MAST2: variants seen among roughly 807,000 people sequenced by gnomAD.
MAST2 encodes microtubule-associated serine/threonine-protein kinase 2.
MAST2 carries 70 observed loss-of-function variants against 147.4 expected under a neutral mutation model. The ratio of observed to expected loss-of-function variants is 0.47; its 90% CI spans 0.39 to 0.58. The LOEUF is 0.58. Among genes scored for constraint, MAST2 ranks in the 20% least tolerant of loss-of-function variants. MAST2 has a pLI of 0.00. For synonymous variants in MAST2, 869 were observed against 896.8 expected (o/e 0.97, Z 0.55); for missense variants, 2,080 against 2,302.3 (o/e 0.90, Z 1.98).
At chr1:45,804,157 C>A in intron 1 of MAST2, 85 bp downstream of exon 1, 1 of 1,240,818 alleles carries the variant, frequency 8.1e-7, no homozygotes, top group South Asian at 3.2e-5. Context: ...CGGGCTGGAG[C>A]TTTGGAGGGG....
chr1:45,832,540 G>A (rs770748685), intron 3 of MAST2, among the ~76,000 whole-genome samples: 3 of 151,932 alleles, frequency 2.0e-5, no homozygotes, highest in Non-Finnish European at 4.4e-5. Flanking sequence ...GTGATCCACC[G>A]GCCTTGGCCT....
At chr1:46,022,579 T>TCCAGTGAAG (rs11283041) in intron 12 of MAST2, among the ~76,000 whole-genome samples, 30,730 of 151,916 alleles carry the variant, frequency 0.2, 3,549 homozygotes, top group Non-Finnish European at 0.26. Context: ...CCCAGCCCCA[T>TCCAGTGAAG]CCAGTGAAGC....
At chr1:45,845,266 A>C (rs984472100) in intron 3 of MAST2, among the ~76,000 whole-genome samples, 1 of 152,222 alleles carries the variant, frequency 6.6e-6, no homozygotes, top group African/African-American at 2.4e-5. Context: ...GTAAAAAGTT[A>C]TAAGAGCAGG....
At chr1:46,007,746 A>G (rs1645545754) in intron 8 of MAST2, among the ~76,000 whole-genome samples, 2 of 152,222 alleles carry the variant, frequency 1.3e-5, no homozygotes, top group Admixed American at 6.5e-5. Flanking sequence ...AAGACAATAA[A>G]TTAAGGCAGA....
chr1:45,895,256 T>C (rs188707510), intron 4 of MAST2, among the ~76,000 whole-genome samples: 4 of 152,362 alleles, frequency 2.6e-5, no homozygotes, highest in African/African-American at 9.6e-5. Context: ...GGGTTGTTTC[T>C]AGTTTTTGGA....
In MAST2 at chr1:45,845,861, C is replaced by T. The variant is rs529873030; in HGVS notation, c.468+16280C>T. ...CTGCAAGCTCTGCCTCCTGGGTTCA[C>T]GCCATTTTCCCACCTCAGCCTCCTG... On this transcript the variant is annotated intron_variant, in intron 3 of 28. Coordinates refer to ENST00000361297, the MANE Select transcript of MAST2 (RefSeq NM_015112.3). 9.2e-5 allele frequency among the ~76,000 whole-genome samples: 14 copies of T among 152,278 alleles called. No homozygotes were observed. In the South Asian group the frequency reaches 2.5e-3, roughly 27 times the overall value.
At chr1:45,939,179 C>T (rs1337518164) in intron 4 of MAST2, among the ~76,000 whole-genome samples, 1 of 151,280 alleles carries the variant, frequency 6.6e-6, no homozygotes, top group Non-Finnish European at 1.5e-5. Context: ...GGTTTATGAT[C>T]CATTTGAGTT....
At chr1:45,996,487 A>T (rs1001073556) in intron 5 of MAST2, among the ~76,000 whole-genome samples, 35 of 152,064 alleles carry the variant, frequency 2.3e-4, no homozygotes, top group African/African-American at 7.0e-4. Context: ...TAGCCAGAAG[A>T]TGGGGAGAGG....
At chr1:46,029,394 C>A in intron 18 of MAST2, 72 bp from the exon 19 acceptor site, 2 of 1,320,224 alleles carry the variant, frequency 1.5e-6, no homozygotes, top group East Asian at 2.3e-5. Flanking sequence ...TTTCACTGTT[C>A]TGGGACCCTC....
intron 4 of MAST2, among the ~76,000 whole-genome samples, chr1:45,925,209 A>C (rs1654173699): frequency 6.6e-6 from 1 of 152,234 alleles, no homozygotes; most frequent in Non-Finnish European, 1.5e-5. Context: ...TTTGAAGGAC[A>C]ATGAAGATAC....
At chr1:46,020,515 T>TA (rs1646140831) in intron 11 of MAST2, among the ~76,000 whole-genome samples, 1 of 152,218 alleles carries the variant, frequency 6.6e-6, no homozygotes, top group Admixed American at 6.5e-5. Context: ...TGGCCGCATT[T>TA]ACTTTTTTCT....
At chr1:45,933,883 C>T (rs1343857276) in intron 4 of MAST2, among the ~76,000 whole-genome samples, 1 of 150,386 alleles carries the variant, frequency 6.6e-6, no homozygotes, top group Non-Finnish European at 1.5e-5. Flanking sequence ...TTGTATCCTT[C>T]TACTTTAATG....
chr1:45,917,687 A>G (rs2148620349), intron 4 of MAST2, among the ~76,000 whole-genome samples: 1 of 152,314 alleles, frequency 6.6e-6, no homozygotes, highest in Non-Finnish European at 1.5e-5. Flanking sequence ...TTTCTGTTGT[A>G]TTCAAAATGT....
In MAST2 at chr1:46,035,593, A is replaced by G. The variant is rs777846966; in HGVS notation, c.4924A>G (p.Ser1642Gly). ...PSTSGLTPTS[S>G]CSPPSSTSGK... The stretch of plus-strand genomic sequence containing the variant: ...CACTTCGGGACTCACCCCCACCAGC[A>G]GTTGCTCTCCTCCCAGCTCCACCTC... Residue 1642 changes from serine (S) to glycine (G), a missense_variant, in exon 29 of 29, where the codon AGT becomes GGT. Around this residue, in one of 4 missense-constraint regions of MAST2, gnomAD observed 1,278 missense variants for 1,304.2 expected, o/e 0.98. Coordinates refer to ENST00000361297, the MANE Select transcript of MAST2 (RefSeq NM_015112.3). The surrounding 1 kb of genome is among the most constrained non-coding windows in gnomAD (Gnocchi z 5.5). 6.2e-7 allele frequency: 1 copy of G among 1,613,774 alleles called. No individual in the cohort carries two copies. Among genetic ancestry groups the G allele is most frequent in the Non-Finnish European group, 8.5e-7 (1 of 1,179,992 alleles).
intron 4 of MAST2, among the ~76,000 whole-genome samples, chr1:45,916,849 C>T (rs937348431): frequency 2.0e-5 from 3 of 152,104 alleles, no homozygotes; most frequent in Non-Finnish European, 4.4e-5. Flanking sequence ...GAGGCCGAGG[C>T]GGGTGGATCA....
intron 3 of MAST2, among the ~76,000 whole-genome samples, chr1:45,849,339 A>C (rs1256339529): frequency 3.3e-5 from 5 of 152,142 alleles, no homozygotes; most frequent in Non-Finnish European, 7.4e-5. Context: ...ACTGTACTAT[A>C]GGGATACAGT....
rs779886699 is a variant in MAST2, at chr1:45,902,485, G to T, written c.500+20090G>T. On this transcript the variant is annotated intron_variant, in intron 4 of 28. Transcript: ENST00000361297. ...CAGATTTTGGTATCAGGATGATACT[G>T]ATTTAGTAGAACGAGCTAGGGAAGA... Among the ~76,000 whole-genome samples the T allele has an allele frequency of 2.8e-4, 42 of 152,000 alleles. 1 individual carries two copies. In the Middle Eastern group the frequency reaches 0.034, roughly 123 times the overall value.
intron 5 of MAST2, among the ~76,000 whole-genome samples, chr1:45,963,120 G>T (rs528302789): frequency 1.6e-4 from 24 of 152,030 alleles, no homozygotes; most frequent in South Asian, 6.3e-4. Context: ...TCCATTGGTC[G>T]ATATCTCTGT....
At chr1:45,920,646 C>T (rs896670591) in intron 4 of MAST2, among the ~76,000 whole-genome samples, 3 of 152,112 alleles carry the variant, frequency 2.0e-5, no homozygotes, top group Admixed American at 6.5e-5. Flanking sequence ...GACTGATTCA[C>T]GTTGCATAAG....
Sources: allele counts gnomAD v4.1 joint callset (sites outside exome capture counted in the v4.1 genomes callset), GRCh38; gene constraint gnomAD v4.1.1; regional missense constraint gnomAD v4.1.1; non-coding constraint Gnocchi (gnomAD v3.1); transcripts MANE v1.5; gene names NCBI Gene and HGNC (gene_info 2026-07-23, HGNC 2026-07-21).